ADRA1A: variants seen among roughly 807,000 people sequenced by gnomAD.
ADRA1A encodes the protein adrenoceptor alpha 1A.
A neutral mutation model predicts 29.6 loss-of-function variants in ADRA1A; 31 were observed. The ratio of observed to expected loss-of-function variants is 1.05; its 90% CI spans 0.79 to 1.41. ADRA1A has a LOEUF of 1.41. ADRA1A is among the 40% of genes most tolerant of loss of function. The pLI, the probability that ADRA1A is intolerant of heterozygous loss-of-function variation, is 0.00. For missense variants in ADRA1A, 619 were observed against 601.1 expected (o/e 1.03, Z -0.31); for synonymous variants, 311 against 254.3 (o/e 1.22, Z -2.12).
chr8:26,839,976 C>A (rs1350054199), intron 2 of ADRA1A, among the ~76,000 whole-genome samples: 1 of 152,214 alleles, frequency 6.6e-6, no homozygotes, highest in East Asian at 1.9e-4. Context: ...TTGTACGGAG[C>A]TTTGCACTGA....
chr8:26,773,196 T>C (rs1806303506), intron 2 of ADRA1A, among the ~76,000 whole-genome samples: 1 of 152,220 alleles, frequency 6.6e-6, no homozygotes. Flanking sequence ...GGGCCCATGC[T>C]CCTTTGTGGA....
At chr8:26,813,529 C>T (rs1000932664) in intron 2 of ADRA1A, among the ~76,000 whole-genome samples, 1 of 151,724 alleles carries the variant, frequency 6.6e-6, no homozygotes, top group African/African-American at 2.4e-5. Context: ...TCCATCCATC[C>T]ATCCACCTAT....
At chr8:26,826,440 CA>C (rs1482442220) in intron 2 of ADRA1A, among the ~76,000 whole-genome samples, 2 of 152,024 alleles carry the variant, frequency 1.3e-5, no homozygotes, top group African/African-American at 4.8e-5. Flanking sequence ...TTCTTCCATG[CA>C]AAAAATTAAA....
chr8:26,797,710 T>C (rs374932778), intron 2 of ADRA1A, among the ~76,000 whole-genome samples: 6 of 152,298 alleles, frequency 3.9e-5, no homozygotes, highest in South Asian at 4.1e-4. Context: ...TAATGTCCTA[T>C]ATAATTTTAA....
In ADRA1A at chr8:26,775,576, C is replaced by T. The variant is rs1806483620; in HGVS notation, c.884-4910G>A. ...CAACAATCTCTGCTTCAAGAAGAGC[C>T]AACAGCTCCTGACTTAATCCCCTGA... On this transcript the variant is annotated intron_variant, in intron 2 of 2. Coordinates refer to ENST00000380573, the MANE Select transcript of ADRA1A (RefSeq NM_000680.4). The surrounding 1 kb of genome is among the most constrained non-coding windows in gnomAD (Gnocchi z 4.1). Among the ~76,000 whole-genome samples the T allele has an allele frequency of 6.6e-6, 1 of 152,140 alleles. No individual in the cohort carries two copies. Among genetic ancestry groups the T allele is most frequent in the Non-Finnish European group, 1.5e-5 (1 of 68,028 alleles).
At chr8:26,777,940 C>T (rs1806673068) in intron 2 of ADRA1A, among the ~76,000 whole-genome samples, 1 of 152,218 alleles carries the variant, frequency 6.6e-6, no homozygotes. Flanking sequence ...AAAACCATTG[C>T]TCCTTCCAAT....
chr8:26,840,065 C>T (rs192543347), intron 2 of ADRA1A, among the ~76,000 whole-genome samples: 1 of 152,220 alleles, frequency 6.6e-6, no homozygotes, highest in Non-Finnish European at 1.5e-5. Context: ...TTGCACTTGG[C>T]TGGGGTTGTT....
At chr8:26,789,329 T>C (rs898624294) in intron 2 of ADRA1A, among the ~76,000 whole-genome samples, 22 of 152,108 alleles carry the variant, frequency 1.4e-4, no homozygotes, top group Middle Eastern at 3.2e-3. Context: ...ACCAATGGAA[T>C]AGAATAGAGA....
chr8:26,789,666 T>C (rs1041070181), intron 2 of ADRA1A, among the ~76,000 whole-genome samples: 1 of 152,068 alleles, frequency 6.6e-6, no homozygotes, highest in Non-Finnish European at 1.5e-5. Flanking sequence ...ACAAACGGGA[T>C]TATATCAAAC....
chr8:26,750,416 G>T (rs1028674075), intron 2 of ADRA1A, among the ~76,000 whole-genome samples: 3 of 152,168 alleles, frequency 2.0e-5, no homozygotes, highest in Admixed American at 1.3e-4. Flanking sequence ...TGCCCAGGCT[G>T]GTCTCGAACT....
chr8:26,766,056 A>G, downstream of ADRA1A: 1 of 1,613,774 alleles, frequency 6.2e-7, no homozygotes, highest in Non-Finnish European at 8.5e-7. Context: ...GGAGATCAGC[A>G]TTCTGAACCC....
At chr8:26,778,872 A>G (rs1806741178) in intron 2 of ADRA1A, among the ~76,000 whole-genome samples, 1 of 152,002 alleles carries the variant, frequency 6.6e-6, no homozygotes, top group Admixed American at 6.5e-5. Context: ...GCAGCACACC[A>G]ACATGGCACA....
At position 26,860,930 on chromosome 8, in the gene ADRA1A, A is replaced by G. The variant is rs528564019; in HGVS notation, c.883+3157T>C. On this transcript the variant is annotated intron_variant, in intron 2 of 2. Coordinates refer to ENST00000380573, the MANE Select transcript of ADRA1A (RefSeq NM_000680.4). This position sits in a 1 kb window ranked among gnomAD's most constrained non-coding sequence, Gnocchi z 4.7. ...CAGCTACACCGCATCTCCTAGCTCC[A>G]GTGTATAGCAAAACCTTTCAGAAGA... Among the ~76,000 whole-genome samples, 67 of 152,310 alleles carry G rather than the reference A, an allele frequency of 4.4e-4. 1 individual carries two copies. The highest frequency in any genetic ancestry group is 6.2e-4 in the South Asian group (3 of 4,826).
In ADRA1A at chr8:26,796,816, G is replaced by A. The variant is rs1203496712; in HGVS notation, c.884-26150C>T. Among the ~76,000 whole-genome samples, 1 of 152,120 alleles carries A rather than the reference G, an allele frequency of 6.6e-6. No homozygotes were observed. Among genetic ancestry groups the A allele is most frequent in the Non-Finnish European group, 1.5e-5 (1 of 68,010 alleles). ...ATGATTATCAGGCAGCCTCTGTAAT[G>A]TGTGACCACAGGAAGCTTTTGCATA... On this transcript the variant is annotated intron_variant, in intron 2 of 2. Coordinates refer to ENST00000380573, the MANE Select transcript of ADRA1A (RefSeq NM_000680.4). This position sits in a 1 kb window ranked among gnomAD's most constrained non-coding sequence, Gnocchi z 5.0.
downstream of ADRA1A, among the ~76,000 whole-genome samples, chr8:26,761,708 G>T (rs1445988787): frequency 6.6e-6 from 1 of 152,202 alleles, no homozygotes. Context: ...GTTATGATTG[G>T]CTAGGACACT....
chr8:26,788,907 T>C (rs533333605), intron 2 of ADRA1A, among the ~76,000 whole-genome samples: 1 of 152,280 alleles, frequency 6.6e-6, no homozygotes, highest in Non-Finnish European at 1.5e-5. Flanking sequence ...TTTGAATCAA[T>C]TATTAAGAAA....
intron 2 of ADRA1A, among the ~76,000 whole-genome samples, chr8:26,759,491 G>A (rs953081463): frequency 2.0e-5 from 3 of 151,998 alleles, no homozygotes; most frequent in Non-Finnish European, 2.9e-5. Context: ...CCTACTTGTC[G>A]GATTGAATTT....
chr8:26,808,304 G>T (rs932996920), intron 2 of ADRA1A, among the ~76,000 whole-genome samples: 2 of 152,088 alleles, frequency 1.3e-5, no homozygotes, highest in Non-Finnish European at 2.9e-5. Flanking sequence ...AATGTGTAAA[G>T]ATCTTCATCC....
intron 2 of ADRA1A, among the ~76,000 whole-genome samples, chr8:26,774,800 C>G (rs1806426109): frequency 6.6e-6 from 1 of 152,192 alleles, no homozygotes; most frequent in Non-Finnish European, 1.5e-5. Context: ...TGGAAAGCAG[C>G]TGCATGGCCC....
Sources: gnomAD v4.1 joint callset for allele counts (sites outside exome capture counted in the v4.1 genomes callset) on GRCh38, gnomAD v4.1.1 for gene constraint, Gnocchi (gnomAD v3.1) non-coding constraint, MANE v1.5 for transcripts, NCBI Gene and HGNC (gene_info 2026-07-23, HGNC 2026-07-21) for gene names.